ETV6: variants seen among roughly 807,000 people sequenced by gnomAD.
ETV6 encodes the protein transcription factor ETV6.
A neutral mutation model predicts 51.1 loss-of-function variants in ETV6; 16 were observed. The observed-to-expected ratio is 0.31, with a 90% CI of 0.21 to 0.48. The LOEUF (loss-of-function observed/expected upper bound fraction) is 0.48. Ranked by LOEUF, ETV6 falls within the 20% of genes least tolerant of loss-of-function variation. The probability of loss-of-function intolerance (pLI) is 0.99; values close to 1 mark genes in which losing one functional copy is unlikely to be tolerated. For synonymous variants in ETV6, 240 were observed against 224.1 expected, an observed-to-expected ratio of 1.07 and a Z score of -0.64; for missense variants, 458 against 594.8, an observed-to-expected ratio of 0.77 and a Z score of 2.39.
chr12:11,764,254 A>AT (rs11370418), intron 2 of ETV6, among the ~76,000 whole-genome samples: 28,385 of 152,128 alleles, frequency 0.19, 2,863 homozygotes, highest in East Asian at 0.33. Flanking sequence ...AAGCACTATA[A>AT]TTTGCTTAGG....
chr12:11,689,959 TAC>T (rs1311912627), intron 1 of ETV6, among the ~76,000 whole-genome samples: 3 of 151,936 alleles, frequency 2.0e-5, no homozygotes, highest in Non-Finnish European at 4.4e-5. Context: ...CGTGCGCAAA[TAC>T]AGATTCACAA....
Position 11,860,692 on chromosome 12 carries a change from T to TCC in ETV6, c.463+7137_463+7138dup, listed in dbSNP as rs71057774. On this transcript the variant is annotated intron_variant, in intron 4 of 7. Coordinates refer to ENST00000396373, the MANE Select transcript of ETV6 (RefSeq NM_001987.5). ...TATTTCTGGCTGTTATTTGGTTGTT[T>TCC]CCCCCCCTCTGTTTGTGTAAATTTT... 2.6e-4 allele frequency among the ~76,000 whole-genome samples: 39 copies of TCC among 151,918 alleles called. No homozygotes were observed. The South Asian group carries it at 2.7e-3, about 11-fold the overall frequency.
At chr12:11,811,376 A>G (rs1325328536) in intron 2 of ETV6, among the ~76,000 whole-genome samples, 1 of 152,372 alleles carries the variant, frequency 6.6e-6, no homozygotes, top group Admixed American at 6.5e-5. Flanking sequence ...CACTGCAGCT[A>G]TCTGCTTATC....
Position 11,770,614 on chromosome 12 carries a change from A to G in ETV6, c.163+18035A>G, listed in dbSNP as rs564237099. Among the ~76,000 whole-genome samples, 119 of 152,304 alleles carry G rather than the reference A, an allele frequency of 7.8e-4. 1 individual carries two copies. Among genetic ancestry groups the G allele is most frequent in the African/African-American group, 2.8e-3 (115 of 41,562 alleles). On this transcript the variant is annotated intron_variant, in intron 2 of 7. Transcript: ENST00000396373. ...CTTCCCTTCCTCTACTTATCTTCCAATAACCTTAGGATTTGGAGGAAATTA... is the reference window on the plus strand; with the variant it reads ...CTTCCCTTCCTCTACTTATCTTCCAGTAACCTTAGGATTTGGAGGAAATTA...
intron 1 of ETV6, among the ~76,000 whole-genome samples, chr12:11,678,450 A>G (rs920149368): frequency 3.9e-5 from 6 of 152,198 alleles, no homozygotes; most frequent in Non-Finnish European, 1.5e-5. Context: ...CATATACTCT[A>G]CAACTCACAT....
chr12:11,737,505 C>T (rs1286740183), intron 1 of ETV6, among the ~76,000 whole-genome samples: 3 of 152,302 alleles, frequency 2.0e-5, no homozygotes, highest in South Asian at 2.1e-4. Context: ...AGATGAGACA[C>T]GTTAGAGGCA....
chr12:11,711,303 T>C (rs576683713), intron 1 of ETV6, among the ~76,000 whole-genome samples: 1 of 152,350 alleles, frequency 6.6e-6, no homozygotes, highest in East Asian at 1.9e-4. Context: ...TCCCTGCCTG[T>C]TGAGATGGAG....
chr12:11,867,863 G>A (rs1018222477), intron 4 of ETV6, among the ~76,000 whole-genome samples: 4 of 152,300 alleles, frequency 2.6e-5, no homozygotes, highest in East Asian at 1.9e-4. Context: ...GTGTGGAGCC[G>A]TGTAGAAATC....
chr12:11,726,535 CG>C (rs1331183989), intron 1 of ETV6, among the ~76,000 whole-genome samples: 1 of 152,130 alleles, frequency 6.6e-6, no homozygotes, highest in Non-Finnish European at 1.5e-5. Flanking sequence ...CCCAGCACTT[CG>C]GGAGGGCAAG....
At chr12:11,801,914 T>A (rs528145882) in intron 2 of ETV6, among the ~76,000 whole-genome samples, 26 of 152,328 alleles carry the variant, frequency 1.7e-4, no homozygotes, top group African/African-American at 5.5e-4. Context: ...TTTCTTCCTA[T>A]GCCATCCAGC....
intron 1 of ETV6, among the ~76,000 whole-genome samples, chr12:11,656,930 G>C (rs969293279): frequency 6.6e-6 from 1 of 151,572 alleles, no homozygotes; most frequent in Non-Finnish European, 1.5e-5. Flanking sequence ...TGATTTCCAG[G>C]AATCTATTTC....
chr12:11,686,111 G>A (rs1220020150), intron 1 of ETV6, among the ~76,000 whole-genome samples: 1 of 152,176 alleles, frequency 6.6e-6, no homozygotes, highest in Non-Finnish European at 1.5e-5. Flanking sequence ...CCTGAAAAAG[G>A]TGCTGGTATT....
chr12:11,719,234 A>G (rs773281109), intron 1 of ETV6, among the ~76,000 whole-genome samples: 1 of 152,262 alleles, frequency 6.6e-6, no homozygotes, highest in African/African-American at 2.4e-5. Flanking sequence ...ATCTCAAGTC[A>G]GGAGGCACTG....
At chr12:11,659,468 C>T (rs888722050) in intron 1 of ETV6, among the ~76,000 whole-genome samples, 3 of 152,162 alleles carry the variant, frequency 2.0e-5, no homozygotes, top group Non-Finnish European at 4.4e-5. Context: ...CTGATCTTCT[C>T]CTGGAAACCA....
At chr12:11,708,100 A>G (rs1865106423) in intron 1 of ETV6, among the ~76,000 whole-genome samples, 1 of 152,196 alleles carries the variant, frequency 6.6e-6, no homozygotes, top group Admixed American at 6.5e-5. Flanking sequence ...CGAAAGCTGT[A>G]CATTTCCTTC....
chr12:11,718,994 T>A (rs1482938546), intron 1 of ETV6, among the ~76,000 whole-genome samples: 5 of 152,338 alleles, frequency 3.3e-5, no homozygotes, highest in Non-Finnish European at 7.4e-5. Flanking sequence ...CTGTGCAGAA[T>A]GTATGTGTTT....
chr12:11,654,945 T>G (rs1863972934), intron 1 of ETV6, among the ~76,000 whole-genome samples: 1 of 152,166 alleles, frequency 6.6e-6, no homozygotes. Context: ...GAAGTAGCTA[T>G]CCTGCTCAGG....
chr12:11,683,321 G>A (rs921753724), intron 1 of ETV6, among the ~76,000 whole-genome samples: 20 of 152,200 alleles, frequency 1.3e-4, no homozygotes, highest in African/African-American at 4.3e-4. Flanking sequence ...TGGGATTACA[G>A]GCATGAGCTA....
chr12:11,821,860 A>G (rs544319518), intron 2 of ETV6, among the ~76,000 whole-genome samples: 62 of 152,208 alleles, frequency 4.1e-4, no homozygotes, highest in Admixed American at 1.5e-3. Context: ...AAAAACAAAC[A>G]TGGAGATGCA....
Sources: gnomAD v4.1 joint callset for allele counts (sites outside exome capture counted in the v4.1 genomes callset) on GRCh38, gnomAD v4.1.1 for gene constraint, MANE v1.5 for transcripts, NCBI Gene and HGNC (gene_info 2026-07-23, HGNC 2026-07-21) for gene names.